SLC17A6: variants seen among roughly 807,000 people sequenced by gnomAD.
The protein encoded by SLC17A6 is vesicular glutamate transporter 2.
A neutral mutation model predicts 67.1 loss-of-function variants in SLC17A6; 35 were observed. The ratio of observed to expected loss-of-function variants is 0.52; its 90% confidence interval spans 0.40 to 0.69. SLC17A6 has a LOEUF of 0.69. SLC17A6 is among the 30% of genes least tolerant of loss of function. The pLI, the probability that SLC17A6 is intolerant of heterozygous loss-of-function variation, is 0.00. For missense variants in SLC17A6, 588 were observed against 723.9 expected (o/e 0.81, Z 2.15); for synonymous variants, 285 against 252.3 (o/e 1.13, Z -1.23).
intron 6 of SLC17A6, among the ~76,000 whole-genome samples, chr11:22,363,256 G>A (rs967509236): frequency 6.6e-6 from 1 of 151,498 alleles, no homozygotes; most frequent in South Asian, 2.1e-4. Context: ...CTGAAAGGGG[G>A]TGGTGGTGCT....
rs1856229810 is a variant in SLC17A6, at chr11:22,376,101, T to C, written c.1285+9T>C. 2.5e-6 allele frequency: 4 copies of C among 1,597,640 alleles called. No homozygotes were observed. The highest frequency in any genetic ancestry group is 2.6e-6 in the Non-Finnish European group (3 of 1,168,800). ...TGGATTTGCTATATCTGGTAAGATA[T>C]AATTTTTTTTCTTTGTACTTGGGAC... On this transcript the variant is annotated intron_variant, in intron 10 of 11. Transcript: ENST00000263160.
intron 9 of SLC17A6, among the ~76,000 whole-genome samples, 145 bp from the exon 10 acceptor site, chr11:22,375,828 AATTATTATG>A (rs1424549861): frequency 1.1e-4 from 17 of 152,222 alleles, no homozygotes; most frequent in African/African-American, 4.1e-4. Context: ...CTCTAGGGTA[AATTATTATG>A]ATTATTATGA....
rs1856046246 is a variant in SLC17A6 at position 22,360,991 on chromosome 11, A to G, written c.661+7A>G. On this transcript the variant is annotated splice_region_variant and intron_variant, in intron 5 of 11. Coordinates refer to ENST00000263160, the MANE Select transcript of SLC17A6 (RefSeq NM_020346.3). ...GCAACCACCTCCTTTTGTGGTGAGT[A>G]CTGTGTGCAGATGCAGCTATGGTGG... The G allele has an allele frequency of 6.2e-7, 1 of 1,609,804 alleles. No individual in the cohort carries two copies. The highest frequency in any genetic ancestry group is 8.5e-7 in the Non-Finnish European group (1 of 1,176,424).
chr11:22,376,040 A>G lies in SLC17A6; in HGVS notation c.1233A>G (p.Val411=). The change falls in exon 10 of 12, where the codon GTA becomes GTG. Residue 411 remains valine, a synonymous_variant. Transcript: ENST00000263160. The part of the protein sequence containing the change: ...LVVGYSHTRG[V]AISFLVLAVG... ...TTGGCTATTCTCATACTAGAGGGGT[A>G]GCAATCTCATTCTTGGTACTTGCAG... The G allele has an allele frequency of 1.9e-6, 3 of 1,612,706 alleles. No individual in the cohort carries two copies. Among genetic ancestry groups the G allele is most frequent in the South Asian group, 1.1e-5 (1 of 90,728 alleles).
At chr11:22,373,930 T>A (rs1389753057) in intron 8 of SLC17A6, among the ~76,000 whole-genome samples, 1 of 152,226 alleles carries the variant, frequency 6.6e-6, no homozygotes, top group East Asian at 1.9e-4. Context: ...ACACAAATTA[T>A]GAATGCCATC....
chr11:22,339,146 TATATAGTTATATATATATGTTA>T (rs1855779151), intron 1 of SLC17A6, among the ~76,000 whole-genome samples: 3 of 52,288 alleles, frequency 5.7e-5, no homozygotes, highest in African/African-American at 8.0e-5. Context: ...ATATATGTTA[TATATAGTTATATATATATGTTA>T]TATATATATG....
At chr11:22,371,791 T>A (rs892133393) in intron 8 of SLC17A6, among the ~76,000 whole-genome samples, 8 of 152,070 alleles carry the variant, frequency 5.3e-5, no homozygotes, top group Non-Finnish European at 7.4e-5. Context: ...AAATTGTGGA[T>A]AAATTCACAC....
At chr11:22,345,224 A>AT (rs1564978847) in intron 3 of SLC17A6, among the ~76,000 whole-genome samples, 1 of 151,932 alleles carries the variant, frequency 6.6e-6, no homozygotes, top group Non-Finnish European at 1.5e-5. Flanking sequence ...AAAAAAAAAA[A>AT]GCAAACTCAT....
At chr11:22,350,676 C>A (rs1218917180) in intron 3 of SLC17A6, among the ~76,000 whole-genome samples, 1 of 151,908 alleles carries the variant, frequency 6.6e-6, no homozygotes, top group African/African-American at 2.4e-5. Flanking sequence ...TTTCCCCAGC[C>A]CAATTACTGA....
intron 3 of SLC17A6, among the ~76,000 whole-genome samples, chr11:22,349,666 C>T (rs1021776770): frequency 6.6e-6 from 1 of 152,128 alleles, no homozygotes; most frequent in Non-Finnish European, 1.5e-5. Flanking sequence ...GAGTGATGCT[C>T]CTACTGCCAT....
intron 7 of SLC17A6, among the ~76,000 whole-genome samples, chr11:22,367,545 T>A (rs1250389452): frequency 6.6e-6 from 1 of 151,898 alleles, no homozygotes; most frequent in Non-Finnish European, 1.5e-5. Context: ...TAGTATGCAC[T>A]GGTGCCCACT....
intron 3 of SLC17A6, among the ~76,000 whole-genome samples, chr11:22,350,102 G>A: frequency 6.6e-6 from 1 of 152,106 alleles, no homozygotes; most frequent in South Asian, 2.1e-4. Flanking sequence ...GTGGCTGTGG[G>A]TCATAGAAAA....
At chr11:22,360,109 C>G in intron 4 of SLC17A6, among the ~76,000 whole-genome samples, 1 of 115,072 alleles carries the variant, frequency 8.7e-6, no homozygotes, top group East Asian at 3.7e-4. Context: ...TATTAAGGCA[C>G]TAAAAAAAAA....
chr11:22,356,784 A>T (rs1040319000), intron 3 of SLC17A6, among the ~76,000 whole-genome samples: 1 of 152,218 alleles, frequency 6.6e-6, no homozygotes, highest in Non-Finnish European at 1.5e-5. Context: ...TACAGTGAGC[A>T]AAGATAGTGC....
Position 22,365,700 on chromosome 11 carries a change from T to C in SLC17A6, c.891+11T>C. ...TTAGGTGCAATGGAAGTAAGAAATT[T>C]ATTATGGTGTATATTCCTATCTTAT... On this transcript the variant is annotated intron_variant, in intron 7 of 11. Transcript: ENST00000263160. 5 of 1,612,032 alleles carry C rather than the reference T, an allele frequency of 3.1e-6. No homozygotes were observed. The highest frequency in any genetic ancestry group is 3.4e-6 in the Non-Finnish European group (4 of 1,179,000).
chr11:22,363,672 A>C (rs1590389645), intron 6 of SLC17A6, among the ~76,000 whole-genome samples: 1 of 152,298 alleles, frequency 6.6e-6, no homozygotes, highest in South Asian at 2.1e-4. Flanking sequence ...GTAGAAGGTT[A>C]TTAAATGTCA....
At chr11:22,340,976 A>G (rs1855808358) in intron 1 of SLC17A6, among the ~76,000 whole-genome samples, 1 of 152,188 alleles carries the variant, frequency 6.6e-6, no homozygotes, top group African/African-American at 2.4e-5. Flanking sequence ...AGCATCGTCA[A>G]CCTGGAAAGC....
intron 9 of SLC17A6, among the ~76,000 whole-genome samples, chr11:22,375,762 G>A (rs1856226212): frequency 6.6e-6 from 1 of 152,142 alleles, no homozygotes; most frequent in Non-Finnish European, 1.5e-5. Context: ...TTACAGACAT[G>A]AGCCACCGCA....
intron 8 of SLC17A6, among the ~76,000 whole-genome samples, chr11:22,371,213 G>A (rs1856171524): frequency 6.6e-6 from 1 of 151,992 alleles, no homozygotes; most frequent in Non-Finnish European, 1.5e-5. Context: ...CAAGCCCTTT[G>A]CTAAGTCCTG....
Sources: allele counts gnomAD v4.1 joint callset (sites outside exome capture counted in the v4.1 genomes callset), GRCh38; gene constraint gnomAD v4.1.1; transcripts MANE v1.5; gene names NCBI Gene and HGNC (gene_info 2026-07-23, HGNC 2026-07-21).